ARNT: variants seen among roughly 807,000 people sequenced by gnomAD.
The protein encoded by ARNT is aryl hydrocarbon receptor nuclear translocator.
Under a neutral mutation model 105.0 loss-of-function variants are expected in ARNT, and 30 were observed. The ratio of observed to expected loss-of-function variants is 0.29; its 90% CI spans 0.21 to 0.39. ARNT has a LOEUF of 0.39. Among genes scored for constraint, ARNT ranks in the 10% least tolerant of loss-of-function variants. ARNT has a pLI of 1.00. For missense variants in ARNT, 748 were observed against 978.7 expected (o/e 0.76, Z 3.15); for synonymous variants, 304 against 344.0 (o/e 0.88, Z 1.29).
At chr1:150,861,328 G>T (rs184140186) in intron 1 of ARNT, 5 of 387,644 alleles carry the variant, frequency 1.3e-5, no homozygotes, top group East Asian at 8.4e-5. Context: ...AGACAACATC[G>T]CAAAAAAAAA....
At chr1:150,852,871 T>C (rs1465595863) in intron 2 of ARNT, 65 bp from the exon 3 acceptor site, 3 of 1,589,662 alleles carry the variant, frequency 1.9e-6, no homozygotes, top group Non-Finnish European at 1.7e-6. Flanking sequence ...GAAGTTAAAA[T>C]TTCTCAACAC....
chr1:150,824,804 A>G (rs587665083), intron 13 of ARNT, among the ~76,000 whole-genome samples: 2 of 152,190 alleles, frequency 1.3e-5, no homozygotes, highest in Admixed American at 1.3e-4. Context: ...AAATAAAATT[A>G]AGTTGGCTTT....
In ARNT at chr1:150,813,209, G is replaced by C. The variant is rs766756351; in HGVS notation, c.2243C>G (p.Pro748Arg). The change falls in exon 21 of 22, where the codon CCG becomes CGG. Residue 748 changes from proline (P) to arginine (R), a missense_variant. Physicochemically the swap from Pro to Arg is moderately radical, Grantham distance 103 (BLOSUM62 -2). This residue lies in a region of ARNT where 360 missense variants were observed against 411.9 expected (regional missense o/e 0.87). Coordinates refer to ENST00000358595, the MANE Select transcript of ARNT (RefSeq NM_001668.4). ...SSSSEQHVQQ[P>R]PAQQPGQPEV... ...AGGCTGGCCAGGTTGCTGTGCTGGC[G>C]GTTGTTGAACATGTTGCTCACTAGA... 1.2e-6 allele frequency: 2 copies of C among 1,613,444 alleles called. No individual in the cohort carries two copies. The highest frequency in any genetic ancestry group is 1.7e-6 in the Non-Finnish European group (2 of 1,179,718).
intron 3 of ARNT, among the ~76,000 whole-genome samples, chr1:150,848,747 G>C (rs1167820293): frequency 6.6e-6 from 1 of 151,978 alleles, no homozygotes; most frequent in Non-Finnish European, 1.5e-5. Flanking sequence ...GCCCAGACTG[G>C]TCCTGAATTC....
intron 1 of ARNT, among the ~76,000 whole-genome samples, chr1:150,867,371 T>TAA (rs1257063733): frequency 2.2e-5 from 3 of 137,420 alleles, no homozygotes; most frequent in Non-Finnish European, 3.2e-5. Flanking sequence ...TTCTATAAAT[T>TAA]AAAAAAAAAA....
rs143086843 is a variant in ARNT, at chr1:150,868,149, G to A, written c.25+8394C>T. Among the ~76,000 whole-genome samples, 188 of 151,964 alleles carry A rather than the reference G, an allele frequency of 1.2e-3. 1 individual carries two copies. The highest frequency in any genetic ancestry group is 2.4e-3 in the Non-Finnish European group (166 of 67,978). ...GGGAAGAAATGAAGGAAACTGCTTG[G>A]TTTACTATTTAGTTCTAGCCCCAAG... is the stretch of plus-strand genomic sequence containing the variant. On this transcript the variant is annotated intron_variant, in intron 1 of 21. Transcript: ENST00000358595.
chr1:150,814,092 G>A lies in ARNT; in HGVS notation c.2098C>T (p.Arg700Cys), dbSNP rs754824680. Reference sequence around the variant, plus strand: ...CTGGACTCACCAAAGTTAGATCCACGATTGGTGAGACTAGGGTAGGCAGCA... The same window carrying A: ...CTGGACTCACCAAAGTTAGATCCACAATTGGTGAGACTAGGGTAGGCAGCA... Reference protein sequence around the residue: ...GAAAYPSLTNRGSNFAPETGQ... With the variant: ...GAAAYPSLTNCGSNFAPETGQ... Residue 700 changes from arginine to cysteine, a missense_variant, in exon 20 of 22, where the codon CGT becomes TGT. Physicochemically the swap from Arg to Cys is radical, Grantham distance 180. This residue lies in a region of ARNT where 360 missense variants were observed against 411.9 expected (regional missense o/e 0.87). Transcript: ENST00000358595. 24 of 1,613,962 alleles carry A rather than the reference G, an allele frequency of 1.5e-5. No individual in the cohort carries two copies. Among genetic ancestry groups the A allele is most frequent in the African/African-American group, 1.3e-4 (10 of 74,888 alleles).
chr1:150,851,754 A>G (rs1663618933), intron 3 of ARNT, among the ~76,000 whole-genome samples: 1 of 152,216 alleles, frequency 6.6e-6, no homozygotes, highest in African/African-American at 2.4e-5. Flanking sequence ...TAGGAAAACC[A>G]GAGACCTTTG....
chr1:150,861,615 C>T (rs1367802462), intron 1 of ARNT, among the ~76,000 whole-genome samples: 1 of 152,100 alleles, frequency 6.6e-6, no homozygotes, highest in Admixed American at 6.6e-5. Flanking sequence ...TTCAAGACCA[C>T]CCTGGGCAAC....
intron 7 of ARNT, among the ~76,000 whole-genome samples, chr1:150,835,196 T>G (rs587762560): frequency 1.3e-5 from 2 of 151,956 alleles, no homozygotes; most frequent in African/African-American, 2.4e-5. Flanking sequence ...CCAAGTAATT[T>G]TATATGTTAT....
At chr1:150,843,931 TCTACTA>T (rs772714484) in intron 4 of ARNT, among the ~76,000 whole-genome samples, 1 of 152,038 alleles carries the variant, frequency 6.6e-6, no homozygotes, top group Non-Finnish European at 1.5e-5. Flanking sequence ...AATTCCTATT[TCTACTA>T]CTACTACTAC....
chr1:150,826,736 C>T lies in ARNT; in HGVS notation c.1168-119G>A, dbSNP rs587643968. On this transcript the variant is annotated intron_variant, in intron 12 of 21. Coordinates refer to ENST00000358595, the MANE Select transcript of ARNT (RefSeq NM_001668.4). Reference sequence around the variant, plus strand: ...CTTGGCTCACTGCAACCTCCACCTCCTGAGTTCAAGCAATTTTCCTGTCTC... The same window carrying T: ...CTTGGCTCACTGCAACCTCCACCTCTTGAGTTCAAGCAATTTTCCTGTCTC... The T allele has an allele frequency of 6.4e-4, 416 of 650,700 alleles. 1 individual carries two copies. The highest frequency in any genetic ancestry group is 9.5e-4 in the Non-Finnish European group (357 of 377,578). The allele number at this position is 650,700 out of a possible 1,614,324, so 40.3% of individuals were successfully genotyped here.
At chr1:150,820,140 A>G (rs11589458) in intron 14 of ARNT, among the ~76,000 whole-genome samples, 50,867 of 151,990 alleles carry the variant, frequency 0.33, 8,967 homozygotes, top group South Asian at 0.53. Flanking sequence ...ATGCTACAGC[A>G]GAGTTGAGTA....
intron 14 of ARNT, chr1:150,818,270 T>G: frequency 2.5e-6 from 1 of 402,080 alleles, no homozygotes; most frequent in South Asian, 6.8e-5. Context: ...TCCTTCTAGG[T>G]ATTCAAAACC....
chr1:150,874,018 T>TAAA (rs58707975), intron 1 of ARNT, among the ~76,000 whole-genome samples: 14,613 of 63,754 alleles, frequency 0.23, 1,642 homozygotes, highest in South Asian at 0.39. Context: ...ACAAGAATTG[T>TAAA]AAAAAAAAAA....
At chr1:150,834,515 A>T (rs1292267350) in intron 8 of ARNT, 23 bp downstream of exon 8, 1 of 1,608,596 alleles carries the variant, frequency 6.2e-7, no homozygotes, top group African/African-American at 1.3e-5. Context: ...ATACCAAATC[A>T]CAATCCTCAG....
intron 4 of ARNT, among the ~76,000 whole-genome samples, chr1:150,844,708 T>C (rs587691786): frequency 5.3e-5 from 8 of 152,096 alleles, no homozygotes; most frequent in Non-Finnish European, 1.2e-4. Flanking sequence ...CATTTAAGAA[T>C]TTAATAAAAA....
intron 1 of ARNT, among the ~76,000 whole-genome samples, chr1:150,873,269 A>G (rs1488664890): frequency 1.3e-5 from 2 of 151,360 alleles, no homozygotes; most frequent in African/African-American, 4.8e-5. Context: ...AGCCTGGGCG[A>G]CAGAGTGAGA....
chr1:150,857,299 TTTTG>T (rs1664810387), intron 2 of ARNT, among the ~76,000 whole-genome samples: 1 of 152,224 alleles, frequency 6.6e-6, no homozygotes, highest in Admixed American at 6.5e-5. Context: ...TTTATAATAC[TTTTG>T]TTTGTTACTG....
Sources: gnomAD v4.1 joint callset for allele counts (sites outside exome capture counted in the v4.1 genomes callset) on GRCh38, gnomAD v4.1.1 for gene constraint, gnomAD v4.1.1 regional missense constraint, MANE v1.5 for transcripts, NCBI Gene and HGNC (gene_info 2026-07-23, HGNC 2026-07-21) for gene names.